The following IGF2R variants were observed in gnomAD, a reference collection of about 807,000 sequenced individuals.
IGF2R encodes the protein cation-independent mannose-6-phosphate receptor.
Under a neutral mutation model 270.6 loss-of-function variants are expected in IGF2R, and 91 were observed. That is an observed-to-expected ratio of 0.34 (90% CI 0.28 to 0.40). The LOEUF (loss-of-function observed/expected upper bound fraction) is 0.40. IGF2R is among the 10% of genes least tolerant of loss of function. IGF2R has a pLI of 1.00. For missense variants in IGF2R, 2,805 were observed against 3,188.3 expected, an observed-to-expected ratio of 0.88 and a Z score of 2.90; for synonymous variants, 1,316 against 1,258.9, an observed-to-expected ratio of 1.05 and a Z score of -0.96.
At chr6:159,992,396 C>CTT (rs1224457782) in intron 2 of IGF2R, among the ~76,000 whole-genome samples, 1 of 152,104 alleles carries the variant, frequency 6.6e-6, no homozygotes, top group African/African-American at 2.4e-5. Flanking sequence ...TCTCCAGTGT[C>CTT]TGTTATTCCA....
chr6:160,096,712 C>T, intron 45 of IGF2R, 87 bp downstream of exon 45: 1 of 1,147,582 alleles, frequency 8.7e-7, no homozygotes, highest in African/African-American at 1.6e-5. Context: ...CCAATGTTTT[C>T]TTGTGAAATA....
In IGF2R at chr6:160,069,918, G is replaced by A. The variant is rs1046637555; in HGVS notation, c.4303G>A (p.Val1435Met). Residue 1435 changes from valine (V) to methionine (M), a missense_variant, in exon 31 of 48, where the codon GTG (valine) becomes ATG (methionine). Physicochemically the swap from Val to Met is conservative, Grantham distance 21 (BLOSUM62 1). Coordinates refer to ENST00000356956, the MANE Select transcript of IGF2R (RefSeq NM_000876.4). ...AACLLGGSKP[V>M]NLGRVRDGPQ... ...GTGTCTGCTGGGTGGCTCCAAGCCC[G>A]TGAACCTCGGCAGGGTAAGGGACGG... The A allele has an allele frequency of 5.0e-6, 8 of 1,614,200 alleles. 1 individual carries two copies. Among genetic ancestry groups the A allele is most frequent in the Middle Eastern group, 1.7e-4 (1 of 6,056 alleles).
intron 4 of IGF2R, 39 bp downstream of exon 4, chr6:160,010,824 A>G: frequency 8.7e-7 from 1 of 1,153,686 alleles, no homozygotes; most frequent in Non-Finnish European, 1.3e-6. Flanking sequence ...TATGAAGTAT[A>G]CTCTGGGGAA....
chr6:160,004,873 G>A lies in IGF2R; in HGVS notation c.290-4137G>A, dbSNP rs550896254. 1.3e-5 allele frequency: 2 copies of A among 152,326 alleles called. No homozygotes were observed. The highest frequency in any genetic ancestry group is 6.5e-5 in the Admixed American group (1 of 15,296). 9.4% of individuals were successfully genotyped at this position (152,326 alleles called of 1,614,324 possible). ...TGCTGGAGAGAGTGGACTGCACTGCGACGAGACAGGAGGAAAGGTCAAACC... is the reference window on the plus strand; with the variant it reads ...TGCTGGAGAGAGTGGACTGCACTGCAACGAGACAGGAGGAAAGGTCAAACC... On this transcript the variant is annotated intron_variant, in intron 2 of 47. Coordinates refer to ENST00000356956, the MANE Select transcript of IGF2R (RefSeq NM_000876.4). This position sits in a 1 kb window ranked among gnomAD's most constrained non-coding sequence, Gnocchi z 5.2.
At chr6:160,002,619 G>C (rs372682985) in intron 2 of IGF2R, among the ~76,000 whole-genome samples, 1 of 152,234 alleles carries the variant, frequency 6.6e-6, no homozygotes. Context: ...AACTGCATTT[G>C]ATTTCCTTTT....
chr6:160,056,600 C>A, intron 20 of IGF2R, 75 bp downstream of exon 20: 1 of 935,642 alleles, frequency 1.1e-6, no homozygotes, highest in Non-Finnish European at 1.8e-6. Context: ...TGTTCCAGCT[C>A]TGAACCGACC....
intron 3 of IGF2R, chr6:160,010,321 A>G (rs1472526883): frequency 1.8e-5 from 3 of 171,172 alleles, no homozygotes; most frequent in Non-Finnish European, 3.8e-5. Context: ...TTTCACGGGA[A>G]GCATGAGGTC....
At position 160,069,945 on chromosome 6, in the gene IGF2R, C is replaced by T. The variant is rs1449569270; in HGVS notation, c.4330C>T (p.Pro1444Ser). The change falls in exon 31 of 48, where the codon CCT becomes TCT. Residue 1444 changes from proline (P) to serine (S), a missense_variant. Physicochemically the swap from Pro to Ser is moderately conservative, Grantham distance 74 (BLOSUM62 -1). This residue lies in a region of IGF2R where 1,851 missense variants were observed against 2,207.2 expected (regional missense o/e 0.84). Transcript: ENST00000356956. ...PVNLGRVRDG[P>S]QWRDGIIVLK... ...GAACCTCGGCAGGGTAAGGGACGGA[C>T]CTCAGTGGAGAGATGGCATAATTGT... is the stretch of plus-strand genomic sequence containing the variant. 6.2e-7 allele frequency: 1 copy of T among 1,614,196 alleles called. No homozygotes were observed. The highest frequency in any genetic ancestry group is 1.3e-5 in the African/African-American group (1 of 75,044).
intron 4 of IGF2R, among the ~76,000 whole-genome samples, chr6:160,011,368 C>T (rs1784330697): frequency 6.6e-6 from 1 of 152,134 alleles, no homozygotes; most frequent in African/African-American, 2.4e-5. Context: ...TACGTCCACC[C>T]CTTATTATTT....
chr6:160,037,446 G>A (rs888795468), intron 10 of IGF2R, among the ~76,000 whole-genome samples: 4 of 152,200 alleles, frequency 2.6e-5, no homozygotes, highest in African/African-American at 9.6e-5. Context: ...GGTAGACTCT[G>A]TTTATTAGAT....
chr6:159,984,518 T>C (rs1407874107), intron 1 of IGF2R, among the ~76,000 whole-genome samples: 1 of 152,170 alleles, frequency 6.6e-6, no homozygotes, highest in Non-Finnish European at 1.5e-5. Context: ...CTTTATACCA[T>C]ATCTTTGCTG....
chr6:160,023,558 C>T (rs1397859404), intron 4 of IGF2R, among the ~76,000 whole-genome samples: 1 of 152,212 alleles, frequency 6.6e-6, no homozygotes, highest in Non-Finnish European at 1.5e-5. Context: ...GGCCTTACAG[C>T]AGCCCCATGA....
chr6:160,083,844 T>C (rs1260101496), intron 39 of IGF2R, 106 bp from the exon 40 acceptor site: 3 of 797,518 alleles, frequency 3.8e-6, no homozygotes, highest in African/African-American at 3.5e-5. Context: ...AGCAAAGCAA[T>C]TGTTTAAAGT....
rs1164561316 is a variant in IGF2R, at chr6:160,033,512, G to A, written c.1211+405G>A. Among the ~76,000 whole-genome samples the A allele has an allele frequency of 3.3e-5, 5 of 152,178 alleles. No individual in the cohort carries two copies. The East Asian group carries it at 5.8e-4, about 18-fold the overall frequency. ...CCTTTTCTTCCTCTTTCCATTTTCC[G>A]TAAGGTACGGGAGAATCAGTTACTC... On this transcript the variant is annotated intron_variant, in intron 9 of 47. Transcript: ENST00000356956.
intron 1 of IGF2R, among the ~76,000 whole-genome samples, chr6:159,980,853 A>T (rs1783789158): frequency 6.6e-6 from 1 of 152,202 alleles, no homozygotes; most frequent in African/African-American, 2.4e-5. Context: ...TCAGACATCC[A>T]CATGGCAAAG....
intron 44 of IGF2R, chr6:160,095,606 G>A (rs891922638): frequency 6.6e-6 from 1 of 152,188 alleles, no homozygotes; most frequent in Non-Finnish European, 1.5e-5. Context: ...GTAGACCACT[G>A]CTAATCCCTT....
chr6:159,983,642 T>A (rs1252739200), intron 1 of IGF2R, among the ~76,000 whole-genome samples: 1 of 152,246 alleles, frequency 6.6e-6, no homozygotes, highest in East Asian at 1.9e-4. Context: ...GCCTTGTATT[T>A]GACTTCTGCT....
chr6:160,106,001 C>T lies in IGF2R; in HGVS notation c.*917C>T, dbSNP rs1322780052. On this transcript the variant is annotated 3_prime_UTR_variant, in exon 48 of 48. Transcript: ENST00000356956. ...CAGATTTGGGGTATAGGTCTCATCT[C>T]TTCAGGTTCTCATGATACCACCTTT... 1 of 152,176 alleles carries T rather than the reference C, an allele frequency of 6.6e-6. No homozygotes were observed. The highest frequency in any genetic ancestry group is 1.9e-4 in the East Asian group (1 of 5,188). The allele number at this position is 152,176 out of a possible 1,614,324, so 9.4% of individuals were successfully genotyped here. A position where few individuals can be genotyped will look rare whatever the true frequency, so the allele number is the denominator to read the frequency against.
intron 35 of IGF2R, among the ~76,000 whole-genome samples, chr6:160,074,560 C>T (rs1778816516): frequency 6.6e-6 from 1 of 152,210 alleles, no homozygotes; most frequent in Non-Finnish European, 1.5e-5. Context: ...AGGCATGAGC[C>T]ACAGTGCCTG....
Sources: gnomAD v4.1 joint callset for allele counts (sites outside exome capture counted in the v4.1 genomes callset) on GRCh38, gnomAD v4.1.1 for gene constraint, gnomAD v4.1.1 regional missense constraint, Gnocchi (gnomAD v3.1) non-coding constraint, MANE v1.5 for transcripts, NCBI Gene and HGNC (gene_info 2026-07-23, HGNC 2026-07-21) for gene names.